Variants in SPAG5 observed in about 807,000 individuals in gnomAD.
The protein encoded by SPAG5 is sperm associated antigen 5.
In SPAG5, 99 loss-of-function variants were observed where a neutral mutation model predicts 145.4. The observed-to-expected ratio is 0.68, with a 90% CI of 0.58 to 0.80. The LOEUF is 0.80. Ranked by LOEUF, SPAG5 falls within the 30% of genes least tolerant of loss-of-function variation. The pLI, the probability that SPAG5 is intolerant of heterozygous loss-of-function variation, is 0.00. For missense variants in SPAG5, 1,192 were observed against 1,416.0 expected (o/e 0.84, Z 2.54); for synonymous variants, 477 against 525.4 (o/e 0.91, Z 1.26).
intron 19 of SPAG5, 129 bp from the exon 20 acceptor site, chr17:28,578,881 T>C: frequency 2.5e-6 from 2 of 811,060 alleles, no homozygotes; most frequent in Admixed American, 2.0e-5. Flanking sequence ...CGCCAATTCT[T>C]TCCCCAGGGC....
In SPAG5 at chr17:28,580,513, A is replaced by G. The variant is rs180692550; in HGVS notation, c.2686-393T>C. On this transcript the variant is annotated intron_variant, in intron 15 of 23. Coordinates refer to ENST00000321765, the MANE Select transcript of SPAG5 (RefSeq NM_006461.4). The stretch of plus-strand genomic sequence containing the variant: ...GCTTCTCCCCTGTCATTCCACCTAA[A>G]TTCTTGTCATTTGGTTCACCAATGG... The G allele has an allele frequency of 4.2e-3, 643 of 152,952 alleles. 12 individuals are homozygous for G. The highest frequency in any genetic ancestry group is 3.3e-3 in the Non-Finnish European group (229 of 68,538). 9.5% of individuals were successfully genotyped at this position (152,952 alleles called of 1,614,324 possible). A position where few individuals can be genotyped will look rare whatever the true frequency, so the allele number is the denominator to read the frequency against.
intron 9 of SPAG5, 24 bp from the exon 10 acceptor site, chr17:28,585,239 A>G: frequency 1.9e-6 from 3 of 1,612,722 alleles, no homozygotes; most frequent in Non-Finnish European, 1.7e-6. Flanking sequence ...CAAGCAGGTC[A>G]GTAGAGCACA....
chr17:28,590,740 G>A (rs538245806), intron 4 of SPAG5, among the ~76,000 whole-genome samples: 3 of 151,924 alleles, frequency 2.0e-5, no homozygotes, highest in African/African-American at 7.2e-5. Context: ...GGGGTGGCAT[G>A]CGCTTGTAGT....
chr17:28,584,937 G>C (rs1014711417), intron 10 of SPAG5, among the ~76,000 whole-genome samples, 165 bp downstream of exon 10: 2 of 152,200 alleles, frequency 1.3e-5, no homozygotes, highest in African/African-American at 4.8e-5. Context: ...ATGCTGAAGG[G>C]CAAAGGAAAA....
chr17:28,584,440 G>C lies in SPAG5; in HGVS notation c.2202C>G (p.Ser734Arg), dbSNP rs367991507. The C allele has an allele frequency of 6.2e-7, 1 of 1,613,910 alleles. No individual in the cohort carries two copies. The highest frequency in any genetic ancestry group is 1.3e-5 in the African/African-American group (1 of 74,920). ...GCTGACTCTGTAGCTCTTTTAGCTG[G>C]CTGTCCATGTTGGCCAGAATCTGCA... Reference protein sequence around the residue: ...AQLQILANMDSQLKELQSQHT... With the variant: ...AQLQILANMDRQLKELQSQHT... Residue 734 changes from serine (S) to arginine (R), a missense_variant, in exon 12 of 24, where the codon AGC becomes AGG. Physicochemically the swap from Ser to Arg is moderately radical, Grantham distance 110. This residue lies in a region of SPAG5 where 709 missense variants were observed against 840.7 expected (regional missense o/e 0.84). Coordinates refer to ENST00000321765, the MANE Select transcript of SPAG5 (RefSeq NM_006461.4).
At position 28,586,496 on chromosome 17, in the gene SPAG5, T is replaced by C. The variant is rs1238913979; in HGVS notation, c.1441A>G (p.Thr481Ala). The C allele has an allele frequency of 6.2e-7, 1 of 1,612,602 alleles. No individual in the cohort carries two copies. The highest frequency in any genetic ancestry group is 8.5e-7 in the Non-Finnish European group (1 of 1,178,604). ...TCCTTAAGATGCTGAAGTTTATTAGTTATCTAGCCAGAAAAACAGAGTTGT... is the reference window on the plus strand; with the variant it reads ...TCCTTAAGATGCTGAAGTTTATTAGCTATCTAGCCAGAAAAACAGAGTTGT... ...TQTDTSHSGI[T>A]NKLQHLKESH... Residue 481 changes from threonine to alanine, a missense_variant, in exon 5 of 24, where the codon ACT (threonine) becomes GCT (alanine). Coordinates refer to ENST00000321765, the MANE Select transcript of SPAG5 (RefSeq NM_006461.4).
Position 28,592,776 on chromosome 17 carries a change from G to A in SPAG5, c.468C>T (p.Asn156=), listed in dbSNP as rs761143779. Residue 156 remains asparagine, a synonymous_variant, in exon 3 of 24, where the codon AAC becomes AAT. Transcript: ENST00000321765. ...TCAAAGGTCCATTTAAAGATATGCT[G>A]TTTGTCTCTGCCATGGTATCTAAAC... ...EARLDTMAET[N]SISLNGPLRT... is the part of the protein sequence containing the mutation. 4.3e-6 allele frequency: 7 copies of A among 1,614,248 alleles called. No homozygotes were observed. Among genetic ancestry groups the A allele is most frequent in the Non-Finnish European group, 5.9e-6 (7 of 1,180,040 alleles).
chr17:28,590,682 A>C (rs1268938770), intron 4 of SPAG5, among the ~76,000 whole-genome samples: 1 of 151,968 alleles, frequency 6.6e-6, no homozygotes, highest in African/African-American at 2.4e-5. Flanking sequence ...CAGCCTGGCC[A>C]ACATAGTGAA....
Position 28,577,873 on chromosome 17 carries a change from C to T in SPAG5, c.3511-103G>A, listed in dbSNP as rs1374204626. 2.4e-6 allele frequency: 3 copies of T among 1,228,914 alleles called. No individual in the cohort carries two copies. In the East Asian group the frequency reaches 7.0e-5, roughly 29 times the overall value. The allele number at this position is 1,228,914 out of a possible 1,614,324, so 76.1% of individuals were successfully genotyped here. ...TGAATTAGAGGGGAGAAAACAGACA[C>T]CACAGAGAAGCCTGCAATAGTGATT... On this transcript the variant is annotated intron_variant, in intron 23 of 23. Transcript: ENST00000321765.
Position 28,584,644 on chromosome 17 carries a change from A to C in SPAG5, c.2161+8T>G. ...CATGCATGCATACACACACACACAC[A>C]CAAACACCTGTTGCTAGACGACTGT... On this transcript the variant is annotated splice_region_variant and intron_variant, in intron 11 of 23. Coordinates refer to ENST00000321765, the MANE Select transcript of SPAG5 (RefSeq NM_006461.4). The C allele has an allele frequency of 6.2e-7, 1 of 1,613,054 alleles. No individual in the cohort carries two copies.
chr17:28,593,108 C>A (rs1449168644), intron 2 of SPAG5, 42 bp from the exon 3 acceptor site: 17 of 1,587,706 alleles, frequency 1.1e-5, no homozygotes, highest in South Asian at 2.3e-5. Context: ...GCAGTCAATT[C>A]AGTTCCCGAC....
rs1197929218 is a variant in SPAG5, at chr17:28,585,748, T to C, written c.1741-95A>G. On this transcript the variant is annotated intron_variant, in intron 7 of 23. Transcript: ENST00000321765. ...ACACCTCAATAGATCAGTTCTTTAC[T>C]GCCCAGGGCAGGCAGTTCTTAGGCC... 3.1e-6 allele frequency: 5 copies of C among 1,606,466 alleles called. No homozygotes were observed. In the African/African-American group the frequency reaches 6.7e-5, roughly 21 times the overall value.
rs777993763 is a variant in SPAG5 at position 28,584,240 on chromosome 17, T to C, written c.2322A>G (p.Glu774=). The change falls in exon 13 of 24, where the codon GAA becomes GAG. Residue 774 remains glutamate, a synonymous_variant. Coordinates refer to ENST00000321765, the MANE Select transcript of SPAG5 (RefSeq NM_006461.4). The stretch of plus-strand genomic sequence containing the variant: ...CCTGCATGTGTTTTAGTGCCATCTC[T>C]TCCTTTTGCCATCTGCCAGAGACAA... ...NEEQAAQWQK[E]EMALKHMQAE... The C allele has an allele frequency of 1.9e-6, 3 of 1,613,978 alleles. No homozygotes were observed. Among genetic ancestry groups the C allele is most frequent in the South Asian group, 2.2e-5 (2 of 91,086 alleles).
chr17:28,578,887 A>C lies in SPAG5; in HGVS notation c.3118-135T>G. 3.8e-6 allele frequency: 3 copies of C among 790,666 alleles called. No homozygotes were observed. The South Asian group carries it at 4.6e-5, about 12-fold the overall frequency. The allele number at this position is 790,666 out of a possible 1,614,324, so 49.0% of individuals were successfully genotyped here. A position where few individuals can be genotyped will look rare whatever the true frequency, so the allele number is the denominator to read the frequency against. ...TTGATATCACGCCAATTCTTTCCCC[A>C]GGGCCAAGCCAGGCAAGGCACATTT... On this transcript the variant is annotated intron_variant, in intron 19 of 23. Coordinates refer to ENST00000321765, the MANE Select transcript of SPAG5 (RefSeq NM_006461.4).
In SPAG5 at chr17:28,583,547, G is replaced by C. The variant is rs1597594893; in HGVS notation, c.2649C>G (p.Ser883Arg). 4.3e-6 allele frequency: 7 copies of C among 1,612,286 alleles called. No individual in the cohort carries two copies. The African/African-American group carries it at 9.3e-5, about 22-fold the overall frequency. The change falls in exon 15 of 24, where the codon AGC (serine) becomes AGG (arginine). Residue 883 changes from serine to arginine, a missense_variant. Transcript: ENST00000321765. ...GTTTTGTCTGTAGAAAGAGAGTCAGGCTCTGTAGTTGCTCAGTCAGCAGCC... is the reference window on the plus strand; with the variant it reads ...GTTTTGTCTGTAGAAAGAGAGTCAGCCTCTGTAGTTGCTCAGTCAGCAGCC... ...KLGLLTEQLQ[S>R]LTLFLQTKLK... is the part of the protein sequence containing the mutation.
rs778907510 is a variant in SPAG5, at chr17:28,592,890, T to C, written c.354A>G (p.Ala118=). The C allele has an allele frequency of 6.2e-7, 1 of 1,614,254 alleles. No homozygotes were observed. The highest frequency in any genetic ancestry group is 1.1e-5 in the South Asian group (1 of 91,088). Residue 118 remains alanine, a synonymous_variant, in exon 3 of 24, where the codon GCA becomes GCG. Transcript: ENST00000321765. ...CCATATAATTGCCCAGTGGGTCTAC[T>C]GCTTCCTCAGACGTTTTAGGAGTAG... ...ISSTPKTSEE[A]VDPLGNYMVK... is the part of the protein sequence containing the mutation.
chr17:28,583,641 A>C lies in SPAG5; in HGVS notation c.2555T>G (p.Leu852Arg), dbSNP rs1406398796. The C allele has an allele frequency of 1.9e-6, 3 of 1,600,190 alleles. No individual in the cohort carries two copies. The highest frequency in any genetic ancestry group is 2.6e-6 in the Non-Finnish European group (3 of 1,175,920). The change falls in exon 15 of 24, where the codon CTG becomes CGG. Residue 852 changes from leucine (L) to arginine (R), a missense_variant. Physicochemically the swap from Leu to Arg is moderately radical, Grantham distance 102 (BLOSUM62 -2). Around this residue, in one of 5 missense-constraint regions of SPAG5, gnomAD observed 709 missense variants for 840.7 expected, o/e 0.84. Coordinates refer to ENST00000321765, the MANE Select transcript of SPAG5 (RefSeq NM_006461.4). Reference sequence around the variant, plus strand: ...CTGGTTATCTGCTATGGTGCTGGCCAGTTTAGCCCTGAAATAAGGAACAGG... The same window carrying C: ...CTGGTTATCTGCTATGGTGCTGGCCCGTTTAGCCCTGAAATAAGGAACAGG... The part of the protein sequence containing the change: ...KDTVENLTAK[L>R]ASTIADNQEQ...
In SPAG5 at chr17:28,591,843, C is replaced by T. The variant is rs745956618; in HGVS notation, c.1292G>A (p.Arg431Gln). The T allele has an allele frequency of 1.2e-6, 2 of 1,613,792 alleles. No homozygotes were observed. The highest frequency in any genetic ancestry group is 2.2e-5 in the South Asian group (2 of 91,054). ...GRPPDLTALS[R>Q]HDLEDNLLSS... The stretch of plus-strand genomic sequence containing the variant: ...CAGCAGGTTATCTTCCAAGTCATGT[C>T]GAGACAAGGCAGTCAGATCTGGAGG... The change falls in exon 4 of 24, where the codon CGA becomes CAA. Residue 431 changes from arginine to glutamine, a missense_variant. Arg to Gln is a conservative substitution (Grantham distance 43, BLOSUM62 1). Coordinates refer to ENST00000321765, the MANE Select transcript of SPAG5 (RefSeq NM_006461.4).
intron 7 of SPAG5, 91 bp downstream of exon 7, chr17:28,585,773 C>T: frequency 6.2e-7 from 1 of 1,607,084 alleles, no homozygotes; most frequent in Non-Finnish European, 8.5e-7. Context: ...GTTCTTAGGC[C>T]ACCCATCTGT....
Sources: gnomAD v4.1 joint callset for allele counts (sites outside exome capture counted in the v4.1 genomes callset) on GRCh38, gnomAD v4.1.1 for gene constraint, gnomAD v4.1.1 regional missense constraint, MANE v1.5 for transcripts, NCBI Gene and HGNC (gene_info 2026-07-23, HGNC 2026-07-21) for gene names.